The following ABCA8 variants were observed in gnomAD, a reference collection of about 807,000 sequenced individuals.
ABCA8 encodes the protein ATP binding cassette subfamily A member 8.
Under a neutral mutation model 192.3 loss-of-function variants are expected in ABCA8, and 177 were observed. The observed-to-expected ratio is 0.92, with a 90% CI of 0.81 to 1.04. ABCA8 has a LOEUF of 1.04. Among genes scored for constraint, ABCA8 ranks in the 50% least tolerant of loss-of-function variants. The probability of loss-of-function intolerance (pLI) is 0.00; values close to 1 mark genes in which losing one functional copy is unlikely to be tolerated. For synonymous variants in ABCA8, 642 were observed against 690.2 expected (o/e 0.93, Z 1.09); for missense variants, 1,915 against 1,904.8 (o/e 1.01, Z -0.10).
rs182804731 is a variant in ABCA8, at chr17:68,938,690, C to T, written c.302-1575G>A. ...AAGTCACTTTAAAATTATAACTCAA[C>T]TCATAAAAAATTATTCAACTCATCA... On this transcript the variant is annotated intron_variant, in intron 4 of 39. Coordinates refer to ENST00000586539, the MANE Select transcript of ABCA8 (RefSeq NM_001288985.2). Among the ~76,000 whole-genome samples the T allele has an allele frequency of 2.2e-3, 333 of 152,160 alleles. 2 individuals carry two copies. The highest frequency in any genetic ancestry group is 7.7e-3 in the African/African-American group (319 of 41,532).
At chr17:68,912,798 A>C (rs2067255554) in intron 17 of ABCA8, among the ~76,000 whole-genome samples, 1 of 152,158 alleles carries the variant, frequency 6.6e-6, no homozygotes, top group Admixed American at 6.5e-5. Flanking sequence ...CCAATACAAT[A>C]ATAATAGCTG....
chr17:68,878,789 T>A (rs894594), intron 32 of ABCA8: 125,334 of 152,216 alleles, frequency 0.82, 52,209 homozygotes, highest in East Asian at 1. Flanking sequence ...AGCAGAGAGG[T>A]ACCTTCATGA....
Position 68,924,805 on chromosome 17 carries a change from T to C in ABCA8, c.1338A>G (p.Gln446=), listed in dbSNP as rs374611416. 1 of 1,614,170 alleles carries C rather than the reference T, an allele frequency of 6.2e-7. No homozygotes were observed. The highest frequency in any genetic ancestry group is 1.1e-5 in the South Asian group (1 of 91,072). The change falls in exon 11 of 40, where the codon CAA becomes CAG. Residue 446 remains glutamine, a synonymous_variant. Coordinates refer to ENST00000586539, the MANE Select transcript of ABCA8 (RefSeq NM_001288985.2). Reference sequence around the variant, plus strand: ...CTTCAAGGGCCACGTGATCAGTCTTTTGTGTTTGAGACCAAAATGAGGACT... The same window carrying C: ...CTTCAAGGGCCACGTGATCAGTCTTCTGTGTTTGAGACCAAAATGAGGACT... The part of the protein sequence containing the change: ...FLKSSFWSQT[Q]KTDHVALEDE...
intron 23 of ABCA8, among the ~76,000 whole-genome samples, chr17:68,892,057 G>T (rs1343465906): frequency 6.6e-6 from 1 of 152,160 alleles, no homozygotes; most frequent in Non-Finnish European, 1.5e-5. Context: ...GACGCAAAAG[G>T]AGAGATGAAG....
chr17:68,890,742 C>T (rs758375222), intron 24 of ABCA8, among the ~76,000 whole-genome samples: 2 of 152,210 alleles, frequency 1.3e-5, no homozygotes, highest in Admixed American at 1.3e-4. Flanking sequence ...TGGTGTCAAA[C>T]TCCTGATCTC....
At position 68,929,114 on chromosome 17, in the gene ABCA8, G is replaced by A. The variant is rs2067784310; in HGVS notation, c.1060C>T (p.Pro354Ser). Residue 354 changes from proline (P) to serine (S), a missense_variant, in exon 9 of 40, where the codon CCT becomes TCT. By Grantham distance (74) the Pro-to-Ser change is moderately conservative. Transcript: ENST00000586539. Reference protein sequence around the residue: ...LGFTSLYRHLPASLEWILSLL... With the variant: ...LGFTSLYRHLSASLEWILSLL... ...CTTAAAATCCACTCCAAGGATGCAG[G>A]AAGGTGTCTGTACAGTGATGTGAAC... The A allele has an allele frequency of 6.2e-7, 1 of 1,604,288 alleles. No individual in the cohort carries two copies. The highest frequency in any genetic ancestry group is 2.2e-5 in the East Asian group (1 of 44,544).
At chr17:68,884,770 T>G in intron 27 of ABCA8, 1 of 985,390 alleles carries the variant, frequency 1.0e-6, no homozygotes, top group Non-Finnish European at 1.2e-6. Flanking sequence ...ACCTCTTCAC[T>G]CATGTACAGT....
intron 21 of ABCA8, among the ~76,000 whole-genome samples, chr17:68,901,274 C>CTAGAATATAGAT (rs149535251): frequency 0.4 from 61,340 of 151,872 alleles, 13,226 homozygotes; most frequent in East Asian, 0.55. Flanking sequence ...GAATTTTTAT[C>CTAGAATATAGAT]ATAACACTTA....
chr17:68,940,732 TC>T lies in ABCA8; in HGVS notation c.301+25del. The T allele has an allele frequency of 1.9e-6, 3 of 1,577,238 alleles. No homozygotes were observed. The South Asian group carries it at 3.3e-5, about 18-fold the overall frequency. On this transcript the variant is annotated intron_variant, in intron 4 of 39. Transcript: ENST00000586539. ...TAAACCAAATATTCACACCAGACAT[TC>T]TTCTTAAGTAACTAGAAAACTTACC...
At chr17:68,954,475 A>C (rs2068658529) in intron 1 of ABCA8, among the ~76,000 whole-genome samples, 1 of 152,166 alleles carries the variant, frequency 6.6e-6, no homozygotes, top group Admixed American at 6.5e-5. Flanking sequence ...AAGGCTAGCA[A>C]AAACATGAAT....
intron 9 of ABCA8, 90 bp downstream of exon 9, chr17:68,928,959 T>C (rs1281612888): frequency 1.8e-6 from 2 of 1,126,556 alleles, no homozygotes; most frequent in Non-Finnish European, 2.3e-6. Flanking sequence ...AGCCTTACAA[T>C]GCTGAGTTTG....
At chr17:68,876,068 C>T (rs528581780) in intron 35 of ABCA8, among the ~76,000 whole-genome samples, 2 of 152,262 alleles carry the variant, frequency 1.3e-5, no homozygotes, top group African/African-American at 4.8e-5. Flanking sequence ...CGTCTCACAA[C>T]CTAGTGAGAA....
chr17:68,942,854 C>T (rs771900562), intron 2 of ABCA8, among the ~76,000 whole-genome samples: 18 of 152,138 alleles, frequency 1.2e-4, no homozygotes, highest in Non-Finnish European at 1.9e-4. Flanking sequence ...ATTAAACTTA[C>T]TTCATTTAAT....
chr17:68,906,116 A>G lies in ABCA8; in HGVS notation c.2326T>C (p.Tyr776His), dbSNP rs757942048. 1 of 1,602,212 alleles carries G rather than the reference A, an allele frequency of 6.2e-7. No individual in the cohort carries two copies. Among genetic ancestry groups the G allele is most frequent in the Non-Finnish European group, 8.5e-7 (1 of 1,174,516 alleles). The change falls in exon 19 of 40, where the codon TAT becomes CAT. Residue 776 changes from tyrosine (Y) to histidine (H), a missense_variant. Transcript: ENST00000586539. ...DSYPDLGIEN[Y>H]GVSMTTLNEV... ...TTCAAAGTTGTCATGGAAACACCAT[A>G]ATTCTCAATTCCTAGGTCAGGATAG...
intron 38 of ABCA8, among the ~76,000 whole-genome samples, chr17:68,868,875 T>C (rs931389663): frequency 1.3e-5 from 2 of 152,084 alleles, no homozygotes; most frequent in African/African-American, 4.8e-5. Context: ...ATTGGAAATA[T>C]GCCACCAAAA....
At chr17:68,877,426 A>G (rs564769152) in intron 33 of ABCA8, 93 bp downstream of exon 33, 232 of 1,227,870 alleles carry the variant, frequency 1.9e-4, no homozygotes, top group Non-Finnish European at 2.3e-4. Flanking sequence ...CAGCATTTAG[A>G]GTCTCCCATC....
At chr17:68,885,629 C>G (rs2066438894) in intron 26 of ABCA8, among the ~76,000 whole-genome samples, 1 of 151,838 alleles carries the variant, frequency 6.6e-6, no homozygotes, top group South Asian at 2.1e-4. Flanking sequence ...CTCACTGCAG[C>G]CTCAAACTCC....
chr17:68,882,640 C>G lies in ABCA8; in HGVS notation c.3787G>C (p.Val1263Leu). The change falls in exon 30 of 40, where the codon GTG becomes CTG. Residue 1263 changes from valine (V) to leucine (L), a missense_variant. By Grantham distance (32) the Val-to-Leu change is conservative. Coordinates refer to ENST00000586539, the MANE Select transcript of ABCA8 (RefSeq NM_001288985.2). ...GEDEDVQMER[V>L]RTANALNSTN... is the part of the protein sequence containing the mutation. ...GAATTCAAGGCATTTGCTGTTCTCA[C>G]TCTTTCCATCTGAACATCTTCATCC... 5.0e-6 allele frequency: 8 copies of G among 1,612,914 alleles called. No homozygotes were observed. The highest frequency in any genetic ancestry group is 6.8e-6 in the Non-Finnish European group (8 of 1,179,466).
intron 21 of ABCA8, among the ~76,000 whole-genome samples, chr17:68,895,348 C>A (rs755422937): frequency 6.6e-6 from 1 of 152,052 alleles, no homozygotes; most frequent in Non-Finnish European, 1.5e-5. Context: ...AGTCATTTTA[C>A]TACTGCTAGA....
Sources: gnomAD v4.1 joint callset for allele counts (sites outside exome capture counted in the v4.1 genomes callset) on GRCh38, gnomAD v4.1.1 for gene constraint, MANE v1.5 for transcripts, NCBI Gene and HGNC (gene_info 2026-07-23, HGNC 2026-07-21) for gene names.